FAM13A: variants seen among roughly 807,000 people sequenced by gnomAD.
FAM13A encodes the protein protein FAM13A.
A neutral mutation model predicts 129.6 loss-of-function variants in FAM13A; 76 were observed. That is an observed-to-expected ratio of 0.59 (90% CI 0.49 to 0.71). FAM13A has a LOEUF of 0.71. Among genes scored for constraint, FAM13A ranks in the 30% least tolerant of loss-of-function variants. The probability of loss-of-function intolerance (pLI) is 0.00; values close to 1 mark genes in which losing one functional copy is unlikely to be tolerated. For missense variants in FAM13A, 1,108 were observed against 1,249.3 expected (o/e 0.89, Z 1.70); for synonymous variants, 443 against 449.9 (o/e 0.98, Z 0.20).
At chr4:88,860,623 G>C (rs538826783) in intron 6 of FAM13A, among the ~76,000 whole-genome samples, 2 of 152,336 alleles carry the variant, frequency 1.3e-5, no homozygotes, top group South Asian at 4.1e-4. Flanking sequence ...TTGTATCTGT[G>C]TGTATTTGTG....
intron 10 of FAM13A, among the ~76,000 whole-genome samples, chr4:88,784,870 C>T (rs80102827): frequency 0.012 from 1,753 of 151,904 alleles, 34 homozygotes; most frequent in African/African-American, 0.04. Flanking sequence ...GATTTTTTTA[C>T]TAAATGAATT....
chr4:88,896,249 A>T (rs1446183098), intron 6 of FAM13A, among the ~76,000 whole-genome samples: 7 of 132,426 alleles, frequency 5.3e-5, no homozygotes, highest in Non-Finnish European at 9.4e-5. Flanking sequence ...GAAGGGGAAC[A>T]TCACACTCTG....
intron 4 of FAM13A, among the ~76,000 whole-genome samples, chr4:88,982,359 A>G (rs1761752327): frequency 6.6e-6 from 1 of 152,240 alleles, no homozygotes; most frequent in African/African-American, 2.4e-5. Context: ...ATAAAACCTG[A>G]TCTTTCCCTT....
At chr4:88,728,922 A>G (rs191690331) in intron 23 of FAM13A, 15 of 323,336 alleles carry the variant, frequency 4.6e-5, no homozygotes, top group African/African-American at 3.2e-4. Flanking sequence ...AAATGCAGAA[A>G]TTCTCTCTGC....
chr4:88,917,829 A>G (rs1402017432), intron 5 of FAM13A, among the ~76,000 whole-genome samples: 1 of 152,200 alleles, frequency 6.6e-6, no homozygotes, highest in African/African-American at 2.4e-5. Flanking sequence ...TATTGGATAC[A>G]GTGTTTCAAT....
chr4:88,986,175 C>T (rs571167546), intron 4 of FAM13A, among the ~76,000 whole-genome samples: 70 of 151,512 alleles, frequency 4.6e-4, no homozygotes, highest in Non-Finnish European at 7.2e-4. Flanking sequence ...ACCCTATCTC[C>T]CAGGCTGGAG....
chr4:88,990,285 A>G (rs1244151755), intron 4 of FAM13A: 4 of 152,224 alleles, frequency 2.6e-5, no homozygotes, highest in Non-Finnish European at 5.9e-5. Context: ...CTATTAAAAA[A>G]AAAGTTGCTG....
At chr4:88,864,892 T>C (rs186633689) in intron 6 of FAM13A, among the ~76,000 whole-genome samples, 2 of 152,346 alleles carry the variant, frequency 1.3e-5, no homozygotes, top group African/African-American at 4.8e-5. Flanking sequence ...AACCTATGCA[T>C]AGTATATTCT....
chr4:88,957,900 G>A (rs1032947880), intron 4 of FAM13A, among the ~76,000 whole-genome samples: 1 of 152,168 alleles, frequency 6.6e-6, no homozygotes, highest in African/African-American at 2.4e-5. Context: ...AAGATTTAGG[G>A]TATCTGGTGG....
intron 6 of FAM13A, among the ~76,000 whole-genome samples, chr4:88,858,353 A>G (rs1738899400): frequency 6.6e-6 from 1 of 152,258 alleles, no homozygotes; most frequent in African/African-American, 2.4e-5. Flanking sequence ...GTAATCGTTT[A>G]TACTGAGCAG....
intron 5 of FAM13A, among the ~76,000 whole-genome samples, chr4:88,929,014 G>C (rs1752643232): frequency 6.6e-6 from 1 of 152,008 alleles, no homozygotes; most frequent in Non-Finnish European, 1.5e-5. Context: ...TTTCATGATG[G>C]TGAATATTAA....
intron 4 of FAM13A, among the ~76,000 whole-genome samples, chr4:88,959,824 C>G (rs571437976): frequency 1.3e-5 from 2 of 152,250 alleles, no homozygotes; most frequent in Admixed American, 1.3e-4. Flanking sequence ...GGATATCAGC[C>G]TCTTGTGGCG....
chr4:88,984,746 T>C (rs1323140715), intron 4 of FAM13A, among the ~76,000 whole-genome samples: 4 of 152,224 alleles, frequency 2.6e-5, no homozygotes, highest in African/African-American at 9.6e-5. Context: ...CCTCAGGTTT[T>C]ATTTTTCTTT....
rs1437611760 is a variant in FAM13A at position 88,735,791 on chromosome 4, A to G, written c.2646+1681T>C. 2.0e-5 allele frequency among the ~76,000 whole-genome samples: 3 copies of G among 152,358 alleles called. No individual in the cohort carries two copies. The East Asian group carries it at 5.8e-4, about 29-fold the overall frequency. On this transcript the variant is annotated intron_variant, in intron 21 of 23. Transcript: ENST00000264344. ...TTTACAAAAGCAAAGTAGTCATTGC[A>G]AAATTATCTGAAATTTTGACCATGA...
At chr4:88,761,511 A>G (rs928138278) in intron 13 of FAM13A, among the ~76,000 whole-genome samples, 2 of 152,270 alleles carry the variant, frequency 1.3e-5, no homozygotes, top group East Asian at 1.9e-4. Context: ...TTGGGGGCAG[A>G]TATGTGTGGG....
intron 7 of FAM13A, among the ~76,000 whole-genome samples, chr4:88,828,842 A>AT (rs1733448681): frequency 6.6e-6 from 1 of 152,244 alleles, no homozygotes; most frequent in African/African-American, 2.4e-5. Context: ...TGGGTTATAT[A>AT]TTGATGTGCA....
At chr4:89,041,426 T>C (rs1332843790) in intron 1 of FAM13A, among the ~76,000 whole-genome samples, 1 of 152,150 alleles carries the variant, frequency 6.6e-6, no homozygotes, top group African/African-American at 2.4e-5. Flanking sequence ...GGTTGCAAAT[T>C]TTTCTTGCTA....
chr4:88,934,688 T>C (rs1753572980), intron 5 of FAM13A, among the ~76,000 whole-genome samples: 2 of 152,172 alleles, frequency 1.3e-5, no homozygotes, highest in Non-Finnish European at 2.9e-5. Context: ...ATAAAAATGT[T>C]CCTATGTAAA....
Position 88,906,530 on chromosome 4 carries a change from T to C in FAM13A, c.760-68A>G, listed in dbSNP as rs2150233486. On this transcript the variant is annotated intron_variant, in intron 5 of 23. Transcript: ENST00000264344. ...CTTACCCTAACCAAAAATTACAAGG[T>C]AGTGAAAAACAGTTTTGAAGAGAGA... 5 of 1,064,390 alleles carry C rather than the reference T, an allele frequency of 4.7e-6. No individual in the cohort carries two copies. In the Admixed American group the frequency reaches 7.0e-5, roughly 15 times the overall value. 65.9% of individuals were successfully genotyped at this position (1,064,390 alleles called of 1,614,324 possible).
Sources: gnomAD v4.1 joint callset for allele counts (sites outside exome capture counted in the v4.1 genomes callset) on GRCh38, gnomAD v4.1.1 for gene constraint, MANE v1.5 for transcripts, NCBI Gene and HGNC (gene_info 2026-07-23, HGNC 2026-07-21) for gene names.